The following SSBP2 variants were observed in gnomAD, a reference collection of about 807,000 sequenced individuals.
The protein encoded by SSBP2 is single-stranded DNA-binding protein 2.
A neutral mutation model predicts 61.8 loss-of-function variants in SSBP2; 17 were observed. That is an observed-to-expected ratio of 0.28 (90% confidence interval 0.19 to 0.41). The LOEUF (loss-of-function observed/expected upper bound fraction) is 0.41. Ranked by LOEUF, SSBP2 falls within the 10% of genes least tolerant of loss-of-function variation. SSBP2 has a pLI of 1.00. For missense variants in SSBP2, 310 were observed against 458.7 expected (o/e 0.68, Z 2.96); for synonymous variants, 139 against 141.3 (o/e 0.98, Z 0.12).
At chr5:81,714,106 G>A (rs763847424) in intron 1 of SSBP2, among the ~76,000 whole-genome samples, 36 of 151,950 alleles carry the variant, frequency 2.4e-4, no homozygotes, top group Non-Finnish European at 4.6e-4. Flanking sequence ...CCCTCCCTGC[G>A]CCCATATGTT....
At chr5:81,445,606 A>G (rs1763353849) in intron 12 of SSBP2, among the ~76,000 whole-genome samples, 1 of 152,112 alleles carries the variant, frequency 6.6e-6, no homozygotes, top group Admixed American at 6.5e-5. Context: ...CCAAGGAGTT[A>G]GTGAAGCAAA....
intron 10 of SSBP2, among the ~76,000 whole-genome samples, chr5:81,455,724 A>G (rs1417791460): frequency 2.0e-5 from 3 of 152,132 alleles, no homozygotes; most frequent in African/African-American, 7.2e-5. Flanking sequence ...GGTAAAAATG[A>G]AGATGTAGAA....
chr5:81,422,007 A>C (rs1761643016), intron 16 of SSBP2, among the ~76,000 whole-genome samples: 1 of 152,170 alleles, frequency 6.6e-6, no homozygotes, highest in African/African-American at 2.4e-5. Flanking sequence ...ACAGTTTCTA[A>C]ATTAAAATGT....
intron 8 of SSBP2, among the ~76,000 whole-genome samples, chr5:81,469,661 T>TGGCATCA: frequency 6.6e-6 from 1 of 151,978 alleles, no homozygotes; most frequent in Admixed American, 6.6e-5. Context: ...ACAGTAGGCC[T>TGGCATCA]TCCATGAATG....
At chr5:81,710,022 G>A (rs1191851431) in intron 1 of SSBP2, among the ~76,000 whole-genome samples, 2 of 151,888 alleles carry the variant, frequency 1.3e-5, no homozygotes, top group Non-Finnish European at 2.9e-5. Flanking sequence ...AACTACAGAT[G>A]GCTCTTGCCA....
At chr5:81,648,747 A>G (rs764121146) in intron 2 of SSBP2, among the ~76,000 whole-genome samples, 1 of 152,226 alleles carries the variant, frequency 6.6e-6, no homozygotes, top group East Asian at 1.9e-4. Context: ...TATGGGGTAC[A>G]TAAGATATTT....
intron 3 of SSBP2, among the ~76,000 whole-genome samples, chr5:81,625,562 G>A (rs1254798879): frequency 6.6e-6 from 1 of 152,142 alleles, no homozygotes; most frequent in Admixed American, 6.5e-5. Context: ...ACTGAATACA[G>A]AGAAGCAAAA....
chr5:81,654,305 C>T (rs999293368), intron 1 of SSBP2, among the ~76,000 whole-genome samples: 11 of 152,106 alleles, frequency 7.2e-5, no homozygotes, highest in African/African-American at 4.8e-5. Context: ...AAATTGACCA[C>T]GTCCAAAGTT....
At chr5:81,580,750 T>TA (rs10651788) in intron 4 of SSBP2, among the ~76,000 whole-genome samples, 2,132 of 145,908 alleles carry the variant, frequency 0.015, 26 homozygotes, top group African/African-American at 0.031. Flanking sequence ...TCAGTGTAGG[T>TA]AAAAAAAAAA....
chr5:81,648,453 A>G (rs1051599547), intron 2 of SSBP2, among the ~76,000 whole-genome samples: 1 of 152,088 alleles, frequency 6.6e-6, no homozygotes, highest in Admixed American at 6.6e-5. Flanking sequence ...GTTCACATAT[A>G]CTAGTTAATT....
chr5:81,434,633 C>CAAAAAAAAAAAAA (rs34269591), intron 15 of SSBP2, among the ~76,000 whole-genome samples: 28 of 42,986 alleles, frequency 6.5e-4, no homozygotes, highest in South Asian at 1.4e-3. Flanking sequence ...ACTCTTGACT[C>CAAAAAAAAAAAAA]AAAAAAAAAA....
rs73766241 is a variant in SSBP2, at chr5:81,439,084, C to A, written c.928+1474G>T. ...AAAAGCTCAAAAGTCTCTTAGTGTACTGCAAATAATTTGGTTATTGAAAGA... is the reference window on the plus strand; with the variant it reads ...AAAAGCTCAAAAGTCTCTTAGTGTAATGCAAATAATTTGGTTATTGAAAGA... On this transcript the variant is annotated intron_variant, in intron 14 of 16. Transcript: ENST00000320672. 1.8e-3 allele frequency among the ~76,000 whole-genome samples: 279 copies of A among 152,280 alleles called. 1 individual carries two copies. The highest frequency in any genetic ancestry group is 6.4e-3 in the African/African-American group (264 of 41,556).
intron 4 of SSBP2, among the ~76,000 whole-genome samples, chr5:81,589,156 GGTCAC>G (rs1420152320): frequency 6.6e-6 from 1 of 152,030 alleles, no homozygotes; most frequent in Non-Finnish European, 1.5e-5. Flanking sequence ...ACAAAATGAA[GGTCAC>G]GTATCAAAAA....
chr5:81,730,433 C>G (rs1258182254), intron 1 of SSBP2, among the ~76,000 whole-genome samples: 3 of 152,174 alleles, frequency 2.0e-5, no homozygotes, highest in Non-Finnish European at 2.9e-5. Context: ...CCATGTTGGC[C>G]AGGCTGGTCT....
intron 1 of SSBP2, among the ~76,000 whole-genome samples, chr5:81,729,089 T>C (rs1185585389): frequency 6.6e-6 from 1 of 152,136 alleles, no homozygotes; most frequent in Non-Finnish European, 1.5e-5. Context: ...AAACACCGTA[T>C]TGTACCACAT....
intron 3 of SSBP2, among the ~76,000 whole-genome samples, chr5:81,627,448 A>G (rs1290668713): frequency 6.6e-6 from 1 of 152,206 alleles, no homozygotes; most frequent in Admixed American, 6.5e-5. Context: ...GACATACCAG[A>G]TGAGTAAAAA....
rs189902138 is a variant in SSBP2 at position 81,471,349 on chromosome 5, G to C, written c.570+2351C>G. On this transcript the variant is annotated intron_variant, in intron 8 of 16. Coordinates refer to ENST00000320672, the MANE Select transcript of SSBP2 (RefSeq NM_012446.5). ...ATTCTTAAATCAGATTCTAGTTTTTGAAGTATTAAAATCTAATACTAATAA... is the reference window on the plus strand; with the variant it reads ...ATTCTTAAATCAGATTCTAGTTTTTCAAGTATTAAAATCTAATACTAATAA... 9.2e-5 allele frequency among the ~76,000 whole-genome samples: 14 copies of C among 151,840 alleles called. No homozygotes were observed. In the East Asian group the frequency reaches 2.7e-3, roughly 29 times the overall value.
intron 1 of SSBP2, among the ~76,000 whole-genome samples, chr5:81,714,641 C>T (rs1290862413): frequency 6.6e-6 from 1 of 152,222 alleles, no homozygotes; most frequent in African/African-American, 2.4e-5. Context: ...TTGCATTTCT[C>T]TAATGACCAG....
intron 1 of SSBP2, among the ~76,000 whole-genome samples, chr5:81,686,895 AAAGAAAAGAAAAG>A (rs1752848272): frequency 6.8e-6 from 1 of 148,062 alleles, no homozygotes; most frequent in Non-Finnish European, 1.5e-5. Flanking sequence ...AAAGAAAAGA[AAAGAAAAGAAAAG>A]AAAAGAAAAA....
Sources: allele counts gnomAD v4.1 joint callset (sites outside exome capture counted in the v4.1 genomes callset), GRCh38; gene constraint gnomAD v4.1.1; transcripts MANE v1.5; gene names NCBI Gene and HGNC (gene_info 2026-07-23, HGNC 2026-07-21).